Variants in HHAT observed in about 807,000 individuals in gnomAD.
The protein encoded by HHAT is protein-cysteine N-palmitoyltransferase HHAT.
Under a neutral mutation model 70.8 loss-of-function variants are expected in HHAT, and 47 were observed. The observed-to-expected ratio is 0.66, with a 90% CI of 0.53 to 0.85. The LOEUF (loss-of-function observed/expected upper bound fraction) is 0.85, where lower values mean the gene tolerates loss of function less well. HHAT is among the 40% of genes least tolerant of loss of function. The pLI is 0.00. For synonymous variants in HHAT, 228 were observed against 247.6 expected, an observed-to-expected ratio of 0.92 and a Z score of 0.74; for missense variants, 609 against 604.8, an observed-to-expected ratio of 1.01 and a Z score of -0.07.
chr1:210,506,845 A>G (rs1440762674), intron 8 of HHAT, among the ~76,000 whole-genome samples: 1 of 152,156 alleles, frequency 6.6e-6, no homozygotes, highest in African/African-American at 2.4e-5. Flanking sequence ...AACGACATTT[A>G]TTGCTTTCCG....
intron 9 of HHAT, among the ~76,000 whole-genome samples, chr1:210,514,473 G>T (rs2095018840): frequency 6.6e-6 from 1 of 152,198 alleles, no homozygotes; most frequent in South Asian, 2.1e-4. Context: ...TCAGGGAGTA[G>T]TTCGAGTTTT....
chr1:210,404,381 C>A (rs2092234925), intron 5 of HHAT, 83 bp from the exon 6 acceptor site: 3 of 1,039,522 alleles, frequency 2.9e-6, no homozygotes, highest in Admixed American at 2.0e-5. Context: ...ATGACGGTGG[C>A]CCTGCTGGCC....
chr1:210,449,336 T>C (rs1019184226), intron 7 of HHAT, among the ~76,000 whole-genome samples: 54 of 152,072 alleles, frequency 3.6e-4, no homozygotes, highest in Admixed American at 1.1e-3. Context: ...ATCATATAAT[T>C]TTCTTATTTG....
intron 3 of HHAT, among the ~76,000 whole-genome samples, chr1:210,369,059 CAA>C (rs2089295058): frequency 6.6e-6 from 1 of 150,530 alleles, no homozygotes; most frequent in African/African-American, 2.5e-5. Flanking sequence ...GCCTGGGCAA[CAA>C]GAGTGAAACT....
At chr1:210,368,062 G>C (rs536417744) in intron 3 of HHAT, among the ~76,000 whole-genome samples, 34 of 152,048 alleles carry the variant, frequency 2.2e-4, no homozygotes, top group African/African-American at 8.0e-4. Flanking sequence ...GGGAGATAGG[G>C]GAAATATTTC....
chr1:210,593,582 G>A (rs556916408), intron 10 of HHAT, among the ~76,000 whole-genome samples: 1 of 152,094 alleles, frequency 6.6e-6, no homozygotes, highest in African/African-American at 2.4e-5. Flanking sequence ...TTATTTTGTG[G>A]CCTAACATAT....
chr1:210,546,797 G>C (rs1030440938), intron 9 of HHAT, among the ~76,000 whole-genome samples: 2 of 152,180 alleles, frequency 1.3e-5, no homozygotes, highest in Non-Finnish European at 2.9e-5. Flanking sequence ...GTGAAAGTGG[G>C]AATGGGGAGG....
At chr1:210,571,546 A>G (rs944503338) in intron 9 of HHAT, among the ~76,000 whole-genome samples, 2 of 152,136 alleles carry the variant, frequency 1.3e-5, no homozygotes, top group African/African-American at 4.8e-5. Context: ...AGCCGCCTAT[A>G]CTGGAGAGTG....
chr1:210,571,200 A>T (rs1218136676), intron 9 of HHAT, among the ~76,000 whole-genome samples: 1 of 152,234 alleles, frequency 6.6e-6, no homozygotes, highest in Non-Finnish European at 1.5e-5. Context: ...CATCTCCTCC[A>T]TGCCTTTCCC....
chr1:210,455,662 A>C (rs1230996872), intron 7 of HHAT, among the ~76,000 whole-genome samples: 1 of 152,122 alleles, frequency 6.6e-6, no homozygotes, highest in South Asian at 2.1e-4. Flanking sequence ...CCAGGTTCCT[A>C]TCTGTAAAAT....
At chr1:210,512,247 G>A (rs561830489) in intron 8 of HHAT, among the ~76,000 whole-genome samples, 26 of 152,220 alleles carry the variant, frequency 1.7e-4, no homozygotes, top group Admixed American at 9.2e-4. Context: ...TCTCTCAGGT[G>A]GAAAGCTCCA....
At chr1:210,612,337 A>G (rs139244525) in intron 10 of HHAT, among the ~76,000 whole-genome samples, 2 of 152,212 alleles carry the variant, frequency 1.3e-5, no homozygotes, top group African/African-American at 4.8e-5. Context: ...CCTAGTAGCC[A>G]CTATTCTACT....
intron 7 of HHAT, among the ~76,000 whole-genome samples, chr1:210,460,521 C>T (rs2093957534): frequency 6.6e-6 from 1 of 152,084 alleles, no homozygotes; most frequent in Admixed American, 6.6e-5. Flanking sequence ...GTTGCCTGTC[C>T]TCGGGGTGTG....
Position 210,329,085 on chromosome 1 carries a change from C to T in HHAT, c.-63C>T. On this transcript the variant is annotated 5_prime_UTR_variant, in exon 1 of 12. Transcript: ENST00000261458. ...GCGCGCGTGAACGTTGCCGTCGCCG[C>T]CGCCCGGGACAGCCCGGAGGTTGGT... The T allele has an allele frequency of 1.4e-6, 2 of 1,417,696 alleles. No individual in the cohort carries two copies. The highest frequency in any genetic ancestry group is 2.7e-5 in the Admixed American group (1 of 36,848). 87.8% of individuals were successfully genotyped at this position (1,417,696 alleles called of 1,614,324 possible).
chr1:210,518,108 C>G (rs922577047), intron 9 of HHAT, among the ~76,000 whole-genome samples: 4 of 152,050 alleles, frequency 2.6e-5, no homozygotes, highest in African/African-American at 9.7e-5. Context: ...CCAAAAGCCT[C>G]TCTTCTAACT....
chr1:210,657,273 C>T (rs1213217820), intron 11 of HHAT, among the ~76,000 whole-genome samples: 1 of 152,308 alleles, frequency 6.6e-6, no homozygotes, highest in East Asian at 1.9e-4. Flanking sequence ...CTAGTCCACT[C>T]CTGGATGAAG....
At chr1:210,344,245 A>C (rs1248599280) in intron 1 of HHAT, among the ~76,000 whole-genome samples, 1 of 151,462 alleles carries the variant, frequency 6.6e-6, no homozygotes, top group African/African-American at 2.4e-5. Context: ...TTTGTCTACA[A>C]AACATAGAGC....
intron 7 of HHAT, among the ~76,000 whole-genome samples, chr1:210,419,438 A>C (rs1362114598): frequency 6.6e-6 from 1 of 152,138 alleles, no homozygotes; most frequent in Admixed American, 6.5e-5. Flanking sequence ...TTTTCTGAAT[A>C]AAATCTCTTC....
chr1:210,585,949 G>T (rs904637578), intron 9 of HHAT, among the ~76,000 whole-genome samples: 9 of 152,086 alleles, frequency 5.9e-5, no homozygotes, highest in Non-Finnish European at 1.2e-4. Context: ...CAGGTGGGGG[G>T]TTCGTTCTAA....
Sources: allele counts gnomAD v4.1 joint callset (sites outside exome capture counted in the v4.1 genomes callset), GRCh38; gene constraint gnomAD v4.1.1; transcripts MANE v1.5; gene names NCBI Gene and HGNC (gene_info 2026-07-23, HGNC 2026-07-21).